The following LYPD1 variants were observed in gnomAD, a reference collection of about 807,000 sequenced individuals.
The protein encoded by LYPD1 is LY6/PLAUR domain containing 1.
A neutral mutation model predicts 14.2 loss-of-function variants in LYPD1; 14 were observed. That is an observed-to-expected ratio of 0.99 (90% CI 0.65 to 1.54). LYPD1 has a LOEUF of 1.54. LYPD1 is among the 40% of genes most tolerant of loss of function. The probability of loss-of-function intolerance (pLI) is 0.00; values close to 1 mark genes in which losing one functional copy is unlikely to be tolerated. For missense variants in LYPD1, 165 were observed against 175.7 expected, an observed-to-expected ratio of 0.94 and a Z score of 0.34; for synonymous variants, 85 against 70.6, an observed-to-expected ratio of 1.20 and a Z score of -1.02.
chr2:132,650,865 A>G (rs1355593781), intron 2 of LYPD1, among the ~76,000 whole-genome samples: 1 of 152,186 alleles, frequency 6.6e-6, no homozygotes, highest in Non-Finnish European at 1.5e-5. Context: ...AAGTGGGGAA[A>G]CTGAGGCAAA....
chr2:132,664,232 C>T (rs897932775), intron 2 of LYPD1, among the ~76,000 whole-genome samples: 29 of 152,108 alleles, frequency 1.9e-4, no homozygotes, highest in African/African-American at 4.8e-4. Flanking sequence ...TTTTAGATCT[C>T]GGGGAAATTA....
chr2:132,670,297 G>A, upstream of LYPD1: 1 of 317,980 alleles, frequency 3.1e-6, no homozygotes, highest in South Asian at 3.4e-5. This position sits in a 1 kb window ranked among gnomAD's most constrained non-coding sequence, Gnocchi z 4.5. Flanking sequence ...GAGTTGGGGT[G>A]GGGGTGGCGG....
intron 2 of LYPD1, 26 bp from the exon 3 acceptor site, chr2:132,646,306 A>T: frequency 7.1e-7 from 1 of 1,402,336 alleles, no homozygotes; most frequent in East Asian, 2.6e-5. Context: ...AAAGGAGCTG[A>T]GTTAACGTGC....
intron 2 of LYPD1, among the ~76,000 whole-genome samples, chr2:132,663,386 G>A (rs1040798350): frequency 1.3e-4 from 20 of 152,078 alleles, no homozygotes; most frequent in Non-Finnish European, 1.5e-4. Flanking sequence ...CAATTCTCAC[G>A]TCTCAGCCTC....
At chr2:132,665,545 C>G (rs1014539086) in intron 2 of LYPD1, among the ~76,000 whole-genome samples, 1 of 152,188 alleles carries the variant, frequency 6.6e-6, no homozygotes, top group Non-Finnish European at 1.5e-5. Context: ...TTCAGGCAGA[C>G]CTGGCAGGAT....
At chr2:132,652,534 G>T (rs186639495) in intron 2 of LYPD1, among the ~76,000 whole-genome samples, 1 of 152,170 alleles carries the variant, frequency 6.6e-6, no homozygotes, top group Admixed American at 6.5e-5. Context: ...GAGCTAGAAG[G>T]CTCAACTGGT....
rs1180944589 is a variant in LYPD1, at chr2:132,655,514, ATTTTT to A, written c.191-9239_191-9235del. ...ATGATTCTCTTGGGGGTTGAGAAGC[ATTTTT>A]TTTTTTTTTTTTTGAGATGGAGTCT... is the stretch of plus-strand genomic sequence containing the variant. On this transcript the variant is annotated intron_variant, in intron 2 of 2. Transcript: ENST00000397463. Among the ~76,000 whole-genome samples, 7 of 99,494 alleles carry A rather than the reference ATTTTT, an allele frequency of 7.0e-5. 1 individual carries two copies. Among genetic ancestry groups the A allele is most frequent in the African/African-American group, 3.4e-4 (7 of 20,784 alleles). The allele number at this position is 99,494 out of a possible 152,430, so 65.3% of individuals were successfully genotyped here. A position where few individuals can be genotyped will look rare whatever the true frequency, so the allele number is the denominator to read the frequency against.
chr2:132,644,945 G>T lies in LYPD1; in HGVS notation c.*1100C>A, dbSNP rs1681973661. ...AAATTCTCTCTTGCTTGTGGCAAAA[G>T]AAGCTGTCAAGTCCAACACTGAAAA... On this transcript the variant is annotated 3_prime_UTR_variant, in exon 3 of 3. Coordinates refer to ENST00000397463, the MANE Select transcript of LYPD1 (RefSeq NM_144586.7). The T allele has an allele frequency of 1.7e-5, 13 of 780,858 alleles. No homozygotes were observed. The highest frequency in any genetic ancestry group is 2.6e-5 in the Non-Finnish European group (13 of 502,258). 48.4% of individuals were successfully genotyped at this position (780,858 alleles called of 1,614,324 possible).
At chr2:132,664,179 C>A (rs1319475189) in intron 2 of LYPD1, among the ~76,000 whole-genome samples, 10 of 152,048 alleles carry the variant, frequency 6.6e-5, no homozygotes, top group Admixed American at 6.6e-4. Context: ...CACTGGGCCT[C>A]ATTCCTGCCA....
rs1009079987 is a variant in LYPD1, at chr2:132,669,737, G to C, written c.52+144C>G. On this transcript the variant is annotated intron_variant, in intron 1 of 2. Coordinates refer to ENST00000397463, the MANE Select transcript of LYPD1 (RefSeq NM_144586.7). The surrounding 1 kb of genome is among the most constrained non-coding windows in gnomAD (Gnocchi z 4.3). ...GACACTTTCCCAGCCTCGCGCCCCG[G>C]GGCACCAGTCGCGGCCGCCAACTCC... 5 of 1,443,616 alleles carry C rather than the reference G, an allele frequency of 3.5e-6. No individual in the cohort carries two copies. Among genetic ancestry groups the C allele is most frequent in the Non-Finnish European group, 4.5e-6 (5 of 1,100,838 alleles). The allele number at this position is 1,443,616 out of a possible 1,614,324, so 89.4% of individuals were successfully genotyped here.
intron 2 of LYPD1, among the ~76,000 whole-genome samples, chr2:132,652,196 C>T (rs553370995): frequency 6.6e-6 from 1 of 152,302 alleles, no homozygotes; most frequent in Admixed American, 6.5e-5. Context: ...GCTTCTAATA[C>T]ACTACAGATT....
At position 132,645,769 on chromosome 2, in the gene LYPD1, T is replaced by C. The variant is rs1336339047; in HGVS notation, c.*276A>G. The C allele has an allele frequency of 1.8e-5, 18 of 1,026,988 alleles. No homozygotes were observed. The South Asian group carries it at 2.1e-4, about 12-fold the overall frequency. The allele number at this position is 1,026,988 out of a possible 1,614,324, so 63.6% of individuals were successfully genotyped here. On this transcript the variant is annotated 3_prime_UTR_variant, in exon 3 of 3. Transcript: ENST00000397463. ...CTCAGTGACTTCTAAGGACTGACTC[T>C]GCCAGCCTGGCCTTGACTCCGGTTA...
At chr2:132,657,517 G>A (rs1383318540) in intron 2 of LYPD1, among the ~76,000 whole-genome samples, 3 of 152,180 alleles carry the variant, frequency 2.0e-5, no homozygotes, top group South Asian at 2.1e-4. Flanking sequence ...TCACCCAAAT[G>A]TAGGGAAGAG....
intron 2 of LYPD1, among the ~76,000 whole-genome samples, chr2:132,654,392 C>A (rs1233793619): frequency 9.5e-6 from 1 of 104,800 alleles, no homozygotes; most frequent in Non-Finnish European, 2.0e-5. Flanking sequence ...AGAGTGAGAC[C>A]CTGTCTCAAA....
At chr2:132,659,124 T>G (rs1027893742) in intron 2 of LYPD1, among the ~76,000 whole-genome samples, 16 of 152,368 alleles carry the variant, frequency 1.1e-4, no homozygotes, top group Middle Eastern at 3.4e-3. Flanking sequence ...TATTTCTAGT[T>G]TAACTAAAAA....
At chr2:132,665,551 A>G (rs1432305903) in intron 2 of LYPD1, among the ~76,000 whole-genome samples, 1 of 152,220 alleles carries the variant, frequency 6.6e-6, no homozygotes, top group South Asian at 2.1e-4. Flanking sequence ...CAGACCTGGC[A>G]GGATATTTTA....
chr2:132,645,640 C>CTCTTAGAG lies in LYPD1; in HGVS notation c.*404_*405insCTCTAAGA. The CTCTTAGAG allele has an allele frequency of 6.3e-7, 1 of 1,578,936 alleles. No homozygotes were observed. Among genetic ancestry groups the CTCTTAGAG allele is most frequent in the South Asian group, 1.2e-5 (1 of 84,768 alleles). On this transcript the variant is annotated 3_prime_UTR_variant, in exon 3 of 3. Coordinates refer to ENST00000397463, the MANE Select transcript of LYPD1 (RefSeq NM_144586.7). ...CGAGGGAGCCTTGAGTGGGAACTGG[C>CTCTTAGAG]CCTCCAGCCCTAAGAAAACGTCACT... is the stretch of plus-strand genomic sequence containing the variant.
At chr2:132,654,915 A>AT (rs1682501985) in intron 2 of LYPD1, among the ~76,000 whole-genome samples, 1 of 151,804 alleles carries the variant, frequency 6.6e-6, no homozygotes. Flanking sequence ...TGCCCGGTTA[A>AT]TTTTTTGTAT....
chr2:132,646,427 CTCATTGATAT>C, intron 2 of LYPD1, 147 bp from the exon 3 acceptor site: 1 of 433,786 alleles, frequency 2.3e-6, no homozygotes, highest in Non-Finnish European at 4.0e-6. Context: ...TTCGGATTGT[CTCATTGATAT>C]TCAAGATAGA....
Sources: allele counts gnomAD v4.1 joint callset (sites outside exome capture counted in the v4.1 genomes callset), GRCh38; gene constraint gnomAD v4.1.1; non-coding constraint Gnocchi (gnomAD v3.1); transcripts MANE v1.5; gene names NCBI Gene and HGNC (gene_info 2026-07-23, HGNC 2026-07-21).